CRISPLD2: variants seen among roughly 807,000 people sequenced by gnomAD.
CRISPLD2 encodes the protein cysteine-rich secretory protein LCCL domain-containing 2.
CRISPLD2 carries 47 observed loss-of-function variants against 71.1 expected under a neutral mutation model. The ratio of observed to expected loss-of-function variants is 0.66; its 90% CI spans 0.52 to 0.84. The LOEUF is 0.84. Ranked by LOEUF, CRISPLD2 falls within the 40% of genes least tolerant of loss-of-function variation. The pLI, the probability that CRISPLD2 is intolerant of heterozygous loss-of-function variation, is 0.00. For synonymous variants in CRISPLD2, 317 were observed against 250.1 expected (o/e 1.27, Z -2.52); for missense variants, 830 against 651.1 (o/e 1.27, Z -2.99).
intron 1 of CRISPLD2, among the ~76,000 whole-genome samples, chr16:84,824,389 C>G (rs1916300984): frequency 6.6e-6 from 1 of 152,198 alleles, no homozygotes; most frequent in Admixed American, 6.5e-5. Context: ...ACTGTGTCCT[C>G]CAAAGTGTGC....
chr16:84,820,795 T>C (rs577751791), intron 1 of CRISPLD2, among the ~76,000 whole-genome samples: 10 of 152,116 alleles, frequency 6.6e-5, no homozygotes, highest in Non-Finnish European at 1.5e-4. Flanking sequence ...AACACGTTTC[T>C]GGGTTTCTTT....
chr16:84,893,064 C>G (rs544128331), intron 14 of CRISPLD2, among the ~76,000 whole-genome samples: 2 of 151,866 alleles, frequency 1.3e-5, no homozygotes, highest in Admixed American at 6.6e-5. Flanking sequence ...TGATTGAGCC[C>G]TAGAACTCAC....
intron 14 of CRISPLD2, among the ~76,000 whole-genome samples, chr16:84,900,362 GCT>G (rs1434122282): frequency 6.6e-6 from 1 of 152,124 alleles, no homozygotes; most frequent in Non-Finnish European, 1.5e-5. Flanking sequence ...CAATCTGGGG[GCT>G]CTCTTTGTTT....
Position 84,880,572 on chromosome 16 carries a change from C to T in CRISPLD2, c.1293C>T (p.Asn431=), listed in dbSNP as rs1322978032. 21 of 1,613,730 alleles carry T rather than the reference C, an allele frequency of 1.3e-5. No individual in the cohort carries two copies. Among genetic ancestry groups the T allele is most frequent in the Admixed American group, 3.3e-5 (2 of 59,978 alleles). ...PSYWAPVFGT[N]IYADTSSICK... The stretch of plus-strand genomic sequence containing the variant: ...ACTGGGCTCCGGTGTTTGGAACCAA[C>T]ATCTATGCAGATGTGAGTAGGATGC... The change falls in exon 13 of 15, where the codon AAC becomes AAT. Residue 431 remains asparagine, a synonymous_variant. Coordinates refer to ENST00000262424, the MANE Select transcript of CRISPLD2 (RefSeq NM_031476.4).
chr16:84,850,445 C>G (rs1300875136), intron 4 of CRISPLD2, 123 bp from the exon 5 acceptor site: 1 of 739,514 alleles, frequency 1.4e-6, no homozygotes, highest in African/African-American at 1.7e-5. Flanking sequence ...GGACTAATAT[C>G]TGCTTCCCCA....
At chr16:84,861,708 C>T (rs978143311) in intron 6 of CRISPLD2, among the ~76,000 whole-genome samples, 1 of 152,142 alleles carries the variant, frequency 6.6e-6, no homozygotes. Context: ...TTAACCATCA[C>T]AGGCCAGGAG....
intron 8 of CRISPLD2, among the ~76,000 whole-genome samples, chr16:84,871,870 GAAAAAA>G (rs56328159): frequency 0.02 from 1,983 of 100,044 alleles, 141 homozygotes; most frequent in East Asian, 0.11. Flanking sequence ...TTTCAAATGA[GAAAAAA>G]AAAAAAAAAA....
intron 1 of CRISPLD2, among the ~76,000 whole-genome samples, chr16:84,827,837 G>T (rs1275319827): frequency 1.3e-5 from 2 of 151,910 alleles, no homozygotes; most frequent in Non-Finnish European, 2.9e-5. Context: ...AAAGTGCTGG[G>T]ATTACAGGTG....
chr16:84,906,789 G>A lies in CRISPLD2; in HGVS notation c.*147G>A. On this transcript the variant is annotated 3_prime_UTR_variant, in exon 15 of 15. Transcript: ENST00000262424. ...GTCCATCACTTTGTGGCCTGTGGGT[G>A]AGGTGACATCTCATCCCCTCACTGA... is the stretch of plus-strand genomic sequence containing the variant. The A allele has an allele frequency of 2.2e-6, 2 of 914,994 alleles. No homozygotes were observed. Among genetic ancestry groups the A allele is most frequent in the Non-Finnish European group, 3.5e-6 (2 of 567,154 alleles). 56.7% of individuals were successfully genotyped at this position (914,994 alleles called of 1,614,324 possible).
In CRISPLD2 at chr16:84,849,374, C is replaced by G. The variant is rs1163951557; in HGVS notation, c.360-11C>G. On this transcript the variant is annotated splice_polypyrimidine_tract_variant and intron_variant, in intron 3 of 14. Transcript: ENST00000262424. ...GGGGCTGGGACTGAGTGAGCGGTTT[C>G]TGCCCTGCAGGTATCGCTCTCCGGG... The G allele has an allele frequency of 1.9e-6, 3 of 1,609,400 alleles. No individual in the cohort carries two copies. The highest frequency in any genetic ancestry group is 2.7e-5 in the African/African-American group (2 of 74,872).
intron 1 of CRISPLD2, among the ~76,000 whole-genome samples, chr16:84,835,319 A>G (rs1916591590): frequency 6.6e-6 from 1 of 152,142 alleles, no homozygotes; most frequent in Non-Finnish European, 1.5e-5. Flanking sequence ...CGAACTTCTC[A>G]GGTGATCCAC....
At chr16:84,872,899 A>G (rs895101485) in intron 9 of CRISPLD2, 93 bp from the exon 10 acceptor site, 3 of 1,467,418 alleles carry the variant, frequency 2.0e-6, no homozygotes, top group South Asian at 1.3e-5. Context: ...TCAGGCTTTT[A>G]GTGAGTTGAG....
rs1340270309 is a variant in CRISPLD2, at chr16:84,844,606, G to T, written c.241-1180G>T. Among the ~76,000 whole-genome samples the T allele has an allele frequency of 3.3e-5, 5 of 151,736 alleles. No individual in the cohort carries two copies. In the South Asian group the frequency reaches 6.2e-4, roughly 19 times the overall value. On this transcript the variant is annotated intron_variant, in intron 2 of 14. Coordinates refer to ENST00000262424, the MANE Select transcript of CRISPLD2 (RefSeq NM_031476.4). ...TCCAACTCCTGACCTCAAGTGATCT[G>T]CCCGCCTCAGCCTCGCAAAGTTCTG...
At chr16:84,862,473 C>A (rs560163310) in intron 6 of CRISPLD2, among the ~76,000 whole-genome samples, 1 of 152,254 alleles carries the variant, frequency 6.6e-6, no homozygotes, top group East Asian at 1.9e-4. Flanking sequence ...GGATTACAGG[C>A]GTGCACCATC....
chr16:84,871,512 C>G (rs990449291), intron 8 of CRISPLD2, among the ~76,000 whole-genome samples: 3 of 152,252 alleles, frequency 2.0e-5, no homozygotes, highest in Non-Finnish European at 2.9e-5. Flanking sequence ...GCACTCCAGC[C>G]TGCGTGATGG....
At chr16:84,854,112 C>G (rs1917165698) in intron 5 of CRISPLD2, among the ~76,000 whole-genome samples, 1 of 152,194 alleles carries the variant, frequency 6.6e-6, no homozygotes, top group African/African-American at 2.4e-5. Flanking sequence ...AGGCTCTGAG[C>G]CGGACAGCCT....
chr16:84,845,247 CT>C (rs1916879567), intron 2 of CRISPLD2, among the ~76,000 whole-genome samples: 1 of 152,186 alleles, frequency 6.6e-6, no homozygotes, highest in African/African-American at 2.4e-5. Flanking sequence ...TCGGAGCCCC[CT>C]GTTAGAATGC....
chr16:84,824,136 G>T (rs573250436), intron 1 of CRISPLD2, among the ~76,000 whole-genome samples: 3 of 152,306 alleles, frequency 2.0e-5, no homozygotes, highest in Non-Finnish European at 4.4e-5. Flanking sequence ...GTGGGGAGCT[G>T]GCGAGGGTGC....
At chr16:84,883,842 A>ATTTTTTTTTTTTTTTTTTTTTTAT (rs11371326) in intron 13 of CRISPLD2, among the ~76,000 whole-genome samples, 1 of 133,116 alleles carries the variant, frequency 7.5e-6, no homozygotes, top group African/African-American at 2.8e-5. Flanking sequence ...GTCTTATTTA[A>ATTTTTTTTTTTTTTTTTTTTTTAT]TTTTTTTTTT....
Sources: allele counts gnomAD v4.1 joint callset (sites outside exome capture counted in the v4.1 genomes callset), GRCh38; gene constraint gnomAD v4.1.1; transcripts MANE v1.5; gene names NCBI Gene and HGNC (gene_info 2026-07-23, HGNC 2026-07-21).